The following ULK4 variants were observed in gnomAD, a reference collection of about 807,000 sequenced individuals.
ULK4 encodes unc-51 like kinase 4, also known as inactive serine/threonine-protein kinase ULK4.
Under a neutral mutation model 160.6 loss-of-function variants are expected in ULK4, and 133 were observed. The ratio of observed to expected loss-of-function variants is 0.83; its 90% CI spans 0.72 to 0.96. The LOEUF is 0.96. Ranked by LOEUF, ULK4 falls within the 40% of genes least tolerant of loss-of-function variation. The pLI, the probability that ULK4 is intolerant of heterozygous loss-of-function variation, is 0.00. For synonymous variants in ULK4, 534 were observed against 539.8 expected (o/e 0.99, Z 0.15); for missense variants, 1,580 against 1,499.5 (o/e 1.05, Z -0.89).
At chr3:41,653,589 T>C (rs1484451475) in intron 30 of ULK4, among the ~76,000 whole-genome samples, 1 of 152,244 alleles carries the variant, frequency 6.6e-6, no homozygotes, top group Non-Finnish European at 1.5e-5. Context: ...TGTGTTCACA[T>C]GAATAAAGAC....
chr3:41,800,670 C>G (rs1303920674), intron 19 of ULK4, among the ~76,000 whole-genome samples: 1 of 152,094 alleles, frequency 6.6e-6, no homozygotes, highest in Non-Finnish European at 1.5e-5. Context: ...ACGGAGCAGG[C>G]AGAATAATCC....
chr3:41,903,984 AG>A (rs1698462836), intron 12 of ULK4, among the ~76,000 whole-genome samples: 1 of 114,348 alleles, frequency 8.7e-6, no homozygotes, highest in Non-Finnish European at 1.9e-5. Flanking sequence ...CCTGGGCAAA[AG>A]GCTCTTAAAA....
intron 35 of ULK4, among the ~76,000 whole-genome samples, chr3:41,359,651 C>T (rs2081102389): frequency 6.6e-6 from 1 of 152,190 alleles, no homozygotes; most frequent in African/African-American, 2.4e-5. Flanking sequence ...CTAGACAACT[C>T]TCCCAAGAAG....
intron 34 of ULK4, among the ~76,000 whole-genome samples, chr3:41,449,637 C>T (rs1397840476): frequency 6.6e-6 from 1 of 151,942 alleles, no homozygotes; most frequent in Non-Finnish European, 1.5e-5. Flanking sequence ...CAGCAGGAAA[C>T]AGAAGGAGAA....
chr3:41,669,323 G>C (rs1247997146), intron 29 of ULK4, among the ~76,000 whole-genome samples: 1 of 152,076 alleles, frequency 6.6e-6, no homozygotes, highest in Admixed American at 6.6e-5. Context: ...GTAGCTCACT[G>C]CAGCCTCAAC....
chr3:41,911,502 A>G lies in ULK4; in HGVS notation c.1015+39T>C, dbSNP rs200380379. On this transcript the variant is annotated intron_variant, in intron 10 of 36. Coordinates refer to ENST00000301831, the MANE Select transcript of ULK4 (RefSeq NM_017886.4). Reference sequence around the variant, plus strand: ...CTGAAATTAGGAACTCTCTCAAACAACATTCTAAGTAGCATGAATGTGCTC... The same window carrying G: ...CTGAAATTAGGAACTCTCTCAAACAGCATTCTAAGTAGCATGAATGTGCTC... 2.7e-3 allele frequency: 4,325 copies of G among 1,595,432 alleles called. 26 individuals are homozygous for G. Among genetic ancestry groups the G allele is most frequent in the South Asian group, 0.013 (1,194 of 90,530 alleles).
intron 31 of ULK4, among the ~76,000 whole-genome samples, chr3:41,603,531 T>C (rs1290757948): frequency 4.6e-5 from 7 of 152,026 alleles, no homozygotes; most frequent in Non-Finnish European, 8.8e-5. Context: ...CAATGAATAA[T>C]AGAATACACA....
chr3:41,630,112 G>C (rs2033685081), intron 30 of ULK4, among the ~76,000 whole-genome samples: 1 of 152,166 alleles, frequency 6.6e-6, no homozygotes, highest in South Asian at 2.1e-4. Flanking sequence ...TTCTATTGCT[G>C]CCTAACAAAT....
rs3044215 is a variant in ULK4, at chr3:41,939,163, C to CT, written c.139-967dup. On this transcript the variant is annotated intron_variant, in intron 2 of 36. Transcript: ENST00000301831. ...AAGCAAGACATGAGCAATGATTACC[C>CT]TTTTTTTTTTTTTTTGAGGAGGAGT... Among the ~76,000 whole-genome samples, 124 of 146,270 alleles carry CT rather than the reference C, an allele frequency of 8.5e-4. 2 individuals are homozygous for CT. Among genetic ancestry groups the CT allele is most frequent in the African/African-American group, 2.3e-3 (92 of 39,494 alleles).
At chr3:41,870,807 C>G (rs1480720818) in intron 17 of ULK4, among the ~76,000 whole-genome samples, 4 of 152,152 alleles carry the variant, frequency 2.6e-5, no homozygotes, top group African/African-American at 7.2e-5. Context: ...CTTCTAATAT[C>G]CCTAACCCCT....
intron 35 of ULK4, among the ~76,000 whole-genome samples, chr3:41,279,152 C>T (rs866321934): frequency 2.0e-5 from 3 of 148,538 alleles, no homozygotes; most frequent in Admixed American, 6.9e-5. Context: ...GACGCATGCA[C>T]GAGTTTAAAT....
intron 32 of ULK4, among the ~76,000 whole-genome samples, chr3:41,515,181 C>CGGGAGG (rs2085710157): frequency 6.6e-6 from 1 of 151,744 alleles, no homozygotes; most frequent in Admixed American, 6.6e-5. Flanking sequence ...GGCTTGAACT[C>CGGGAGG]GGGAGGTGGA....
intron 32 of ULK4, among the ~76,000 whole-genome samples, chr3:41,532,622 T>C (rs927608798): frequency 6.6e-6 from 1 of 152,194 alleles, no homozygotes; most frequent in African/African-American, 2.4e-5. Context: ...GGTGGCAAAC[T>C]CTAGATCTGG....
At chr3:41,267,112 G>A (rs1317063151) in intron 35 of ULK4, among the ~76,000 whole-genome samples, 1 of 150,234 alleles carries the variant, frequency 6.7e-6, no homozygotes, top group Admixed American at 6.6e-5. Flanking sequence ...GTATACGTGT[G>A]CCACGGTGGT....
At chr3:41,411,771 A>G (rs981362036) in intron 34 of ULK4, among the ~76,000 whole-genome samples, 1 of 152,050 alleles carries the variant, frequency 6.6e-6, no homozygotes, top group Non-Finnish European at 1.5e-5. Flanking sequence ...CCAATTGCCA[A>G]TCAGAAAAAT....
intron 2 of ULK4, among the ~76,000 whole-genome samples, chr3:41,953,304 A>ATATTTTTTT (rs1181182812): frequency 1.6e-5 from 2 of 124,816 alleles, no homozygotes; most frequent in African/African-American, 6.2e-5. Context: ...ATATATATAT[A>ATATTTTTTT]TTTTTTTTTT....
chr3:41,473,907 T>C (rs963897977), intron 32 of ULK4, among the ~76,000 whole-genome samples: 1 of 152,082 alleles, frequency 6.6e-6, no homozygotes, highest in South Asian at 2.1e-4. Flanking sequence ...TGTTAAAATG[T>C]CCGTTCTGCC....
At chr3:41,491,218 C>A (rs569072453) in intron 32 of ULK4, among the ~76,000 whole-genome samples, 1 of 152,280 alleles carries the variant, frequency 6.6e-6, no homozygotes, top group Admixed American at 6.5e-5. Context: ...CATGTCAATT[C>A]TTCCTAAATT....
chr3:41,381,150 C>T (rs1329273861), intron 35 of ULK4, among the ~76,000 whole-genome samples: 5 of 152,214 alleles, frequency 3.3e-5, no homozygotes, highest in Non-Finnish European at 7.3e-5. Flanking sequence ...GTGTCTTCAA[C>T]ACCACCTTTA....
Sources: gnomAD v4.1 joint callset for allele counts (sites outside exome capture counted in the v4.1 genomes callset) on GRCh38, gnomAD v4.1.1 for gene constraint, MANE v1.5 for transcripts, NCBI Gene and HGNC (gene_info 2026-07-23, HGNC 2026-07-21) for gene names.